SORCS3: variants seen among roughly 807,000 people sequenced by gnomAD.
SORCS3 encodes the protein sortilin related VPS10 domain containing receptor 3.
SORCS3 carries 57 observed loss-of-function variants against 146.3 expected under a neutral mutation model. The ratio of observed to expected loss-of-function variants is 0.39; its 90% CI spans 0.31 to 0.49. The LOEUF (loss-of-function observed/expected upper bound fraction) is 0.49. Ranked by LOEUF, SORCS3 falls within the 20% of genes least tolerant of loss-of-function variation. The probability of loss-of-function intolerance (pLI) is 0.92; values close to 1 mark genes in which losing one functional copy is unlikely to be tolerated. For synonymous variants in SORCS3, 653 were observed against 618.5 expected (o/e 1.06, Z -0.83); for missense variants, 1,341 against 1,575.5 (o/e 0.85, Z 2.52).
At chr10:104,974,618 C>T (rs994732891) in intron 3 of SORCS3, among the ~76,000 whole-genome samples, 5 of 152,114 alleles carry the variant, frequency 3.3e-5, no homozygotes, top group African/African-American at 1.2e-4. Context: ...TTCTTGAATA[C>T]AGCATACTGA....
At chr10:105,240,641 A>T (rs973710692) in intron 20 of SORCS3, among the ~76,000 whole-genome samples, 12 of 152,038 alleles carry the variant, frequency 7.9e-5, no homozygotes, top group Non-Finnish European at 1.8e-4. Context: ...CCGTAGTTGA[A>T]TTTTTTTTAT....
intron 1 of SORCS3, among the ~76,000 whole-genome samples, chr10:104,768,970 C>T (rs2017214972): frequency 6.6e-6 from 1 of 152,196 alleles, no homozygotes; most frequent in South Asian, 2.1e-4. Flanking sequence ...AGAGTAGCTC[C>T]ACTTTCCAGC....
intron 2 of SORCS3, among the ~76,000 whole-genome samples, chr10:104,853,878 T>C (rs1214706682): frequency 1.3e-5 from 2 of 152,202 alleles, no homozygotes; most frequent in African/African-American, 2.4e-5. Flanking sequence ...AGTTATTATG[T>C]GTCAGAGAAT....
rs181685300 is a variant in SORCS3 at position 104,976,738 on chromosome 10, G to A, written c.796-597G>A. ...TGGAATACTATGCAGCCAGAAAAAT[G>A]ATGAGTTCATGTCCTTTGTAGGGAC... is the stretch of plus-strand genomic sequence containing the variant. On this transcript the variant is annotated intron_variant, in intron 3 of 26. Transcript: ENST00000369701. 3.2e-3 allele frequency among the ~76,000 whole-genome samples: 492 copies of A among 152,316 alleles called. 5 individuals are homozygous for A. Among genetic ancestry groups the A allele is most frequent in the African/African-American group, 0.011 (439 of 41,566 alleles).
At chr10:104,714,345 G>C (rs191754971) in intron 1 of SORCS3, among the ~76,000 whole-genome samples, 2 of 151,740 alleles carry the variant, frequency 1.3e-5, no homozygotes, top group African/African-American at 4.8e-5. Context: ...TGTAATCTTA[G>C]GTTCATTGAT....
chr10:104,859,635 T>C (rs1415711501), intron 2 of SORCS3, among the ~76,000 whole-genome samples: 2 of 152,120 alleles, frequency 1.3e-5, no homozygotes, highest in African/African-American at 2.4e-5. Flanking sequence ...ACAGGCAACC[T>C]ACAAAATGGG....
chr10:105,159,798 C>G (rs1264838777), intron 11 of SORCS3, among the ~76,000 whole-genome samples: 1 of 152,208 alleles, frequency 6.6e-6, no homozygotes, highest in Non-Finnish European at 1.5e-5. Context: ...GGAGTTCCTA[C>G]TCTCTAGGCA....
At chr10:105,245,421 C>CGTTT (rs143474037) in intron 20 of SORCS3, 121 bp from the exon 21 acceptor site, 71 of 1,173,180 alleles carry the variant, frequency 6.1e-5, no homozygotes, top group Non-Finnish European at 7.4e-5. Context: ...AACGGTATAA[C>CGTTT]GTTTGTTTGT....
At chr10:104,984,009 A>G (rs2054947654) in intron 4 of SORCS3, among the ~76,000 whole-genome samples, 1 of 152,116 alleles carries the variant, frequency 6.6e-6, no homozygotes. Flanking sequence ...TGATCAAGAA[A>G]CACCACTGGC....
chr10:105,100,662 G>A (rs565308337), intron 6 of SORCS3, among the ~76,000 whole-genome samples: 3 of 152,262 alleles, frequency 2.0e-5, no homozygotes, highest in East Asian at 1.9e-4. Context: ...TAAGGTAAAC[G>A]ATGATTTAAA....
intron 22 of SORCS3, among the ~76,000 whole-genome samples, chr10:105,252,031 A>AGTC: frequency 6.6e-6 from 1 of 152,196 alleles, no homozygotes; most frequent in South Asian, 2.1e-4. Flanking sequence ...TCAGGTGATT[A>AGTC]TACCAGTATT....
At chr10:105,107,589 T>A (rs1292063217) in intron 7 of SORCS3, among the ~76,000 whole-genome samples, 1 of 152,178 alleles carries the variant, frequency 6.6e-6, no homozygotes, top group Admixed American at 6.6e-5. Flanking sequence ...TAGCATCAAT[T>A]TTTATTTTCC....
At chr10:104,776,301 G>A (rs1203104042) in intron 1 of SORCS3, among the ~76,000 whole-genome samples, 1 of 152,106 alleles carries the variant, frequency 6.6e-6, no homozygotes, top group Admixed American at 6.6e-5. Flanking sequence ...TCAGGTCACA[G>A]AGCTATTCCC....
intron 2 of SORCS3, among the ~76,000 whole-genome samples, chr10:104,856,269 T>A (rs557112106): frequency 6.6e-6 from 1 of 151,342 alleles, no homozygotes; most frequent in African/African-American, 2.4e-5. Context: ...CCTAATTGGT[T>A]GGTCTCTCTC....
At chr10:105,139,624 T>C in intron 8 of SORCS3, 138 bp downstream of exon 8, 1 of 625,516 alleles carries the variant, frequency 1.6e-6, no homozygotes, top group Admixed American at 2.5e-5. Flanking sequence ...ACCAAGTCGT[T>C]TGGCCTCCCT....
intron 11 of SORCS3, among the ~76,000 whole-genome samples, chr10:105,163,847 G>A (rs1308835965): frequency 6.7e-6 from 1 of 149,516 alleles, no homozygotes; most frequent in East Asian, 1.9e-4. Context: ...ATTCTGACAA[G>A]TTTCAAACAT....
chr10:105,046,493 C>T (rs577218949), intron 5 of SORCS3, among the ~76,000 whole-genome samples: 62 of 152,140 alleles, frequency 4.1e-4, no homozygotes, highest in Admixed American at 6.5e-4. Flanking sequence ...GCAGAAAGAA[C>T]GAACCCCGTG....
At chr10:104,687,694 T>C (rs1564659037) in intron 1 of SORCS3, among the ~76,000 whole-genome samples, 1 of 152,038 alleles carries the variant, frequency 6.6e-6, no homozygotes, top group Non-Finnish European at 1.5e-5. Context: ...TGGACTGGTA[T>C]GTCTGGATCC....
chr10:105,009,533 A>C (rs1331829888), intron 4 of SORCS3, among the ~76,000 whole-genome samples: 57 of 87,154 alleles, frequency 6.5e-4, no homozygotes, highest in African/African-American at 2.0e-3. Context: ...CAAACAAAAA[A>C]AAAAAAAAAA....
Sources: allele counts gnomAD v4.1 joint callset (sites outside exome capture counted in the v4.1 genomes callset), GRCh38; gene constraint gnomAD v4.1.1; transcripts MANE v1.5; gene names NCBI Gene and HGNC (gene_info 2026-07-23, HGNC 2026-07-21).